Variants in METTL15 observed in about 807,000 individuals in gnomAD.
METTL15 encodes 12S rRNA N(4)-cytidine methyltransferase METTL15.
METTL15 carries 34 observed loss-of-function variants against 38.3 expected under a neutral mutation model. That is an observed-to-expected ratio of 0.89 (90% CI 0.68 to 1.18). The LOEUF (loss-of-function observed/expected upper bound fraction) is 1.18, where lower values mean the gene tolerates loss of function less well. METTL15 is among the 50% of genes most tolerant of loss of function. The pLI is 0.00. For missense variants in METTL15, 438 were observed against 498.4 expected, an observed-to-expected ratio of 0.88 and a Z score of 1.15; for synonymous variants, 162 against 170.9, an observed-to-expected ratio of 0.95 and a Z score of 0.41.
chr11:28,404,118 C>A (rs868242218), intron 5 of METTL15, among the ~76,000 whole-genome samples: 9 of 151,810 alleles, frequency 5.9e-5, no homozygotes, highest in African/African-American at 2.2e-4. Context: ...AACCCATAAG[C>A]AATATTTTTT....
intron 4 of METTL15, among the ~76,000 whole-genome samples, chr11:28,256,983 C>CT (rs1377796779): frequency 6.6e-6 from 1 of 151,994 alleles, no homozygotes; most frequent in Non-Finnish European, 1.5e-5. Flanking sequence ...ATATTTTGTA[C>CT]TTTGCATGTA....
In METTL15 at chr11:28,397,347, C is replaced by T. The variant is rs1042026762; in HGVS notation, c.*359-26952C>T. 2.0e-4 allele frequency among the ~76,000 whole-genome samples: 30 copies of T among 152,176 alleles called. 1 individual carries two copies. The highest frequency in any genetic ancestry group is 7.0e-4 in the African/African-American group (29 of 41,538). The stretch of plus-strand genomic sequence containing the variant: ...AAATTTTTGCAATCTACTCATCTGA[C>T]AAAGGGCTAATATCCAGAATCTACA... On this transcript the variant is annotated intron_variant and NMD_transcript_variant, in intron 5 of 7. Transcript: ENST00000532947.
At chr11:28,232,590 T>C (rs191849258) in intron 4 of METTL15, among the ~76,000 whole-genome samples, 2 of 151,942 alleles carry the variant, frequency 1.3e-5, no homozygotes, top group African/African-American at 4.8e-5. Context: ...TGAACACGTT[T>C]ATTTATTTTG....
chr11:28,226,624 C>T (rs759921542), intron 4 of METTL15, among the ~76,000 whole-genome samples: 14 of 151,914 alleles, frequency 9.2e-5, no homozygotes, highest in Non-Finnish European at 1.6e-4. Flanking sequence ...AAGTCTCGAA[C>T]TCATAGCGTC....
chr11:28,330,775 A>G lies in METTL15; in HGVS notation c.1158A>G (p.Gln386=). The G allele has an allele frequency of 6.4e-7, 1 of 1,551,810 alleles. No individual in the cohort carries two copies. Residue 386 remains glutamine (Q), a synonymous_variant, in exon 7 of 7, where the codon CAA becomes CAG. Coordinates refer to ENST00000407364, the MANE Select transcript of METTL15 (RefSeq NM_001113528.2). The part of the protein sequence containing the change: ...ELIHKKVLSP[Q]DQDVQDNPRG... ...TACACAAGAAGGTACTTAGTCCACA[A>G]GATCAGGATGTACAAGATAACCCCA...
intron 5 of METTL15, among the ~76,000 whole-genome samples, chr11:28,389,623 G>A (rs374442076): frequency 9.2e-5 from 14 of 151,882 alleles, no homozygotes; most frequent in East Asian, 3.9e-4. Context: ...TCTTAATCCA[G>A]TCTATCATTG....
At chr11:28,204,853 A>G (rs1241884056) in intron 3 of METTL15, among the ~76,000 whole-genome samples, 2 of 152,020 alleles carry the variant, frequency 1.3e-5, no homozygotes. Flanking sequence ...CTTTACGATT[A>G]TACAGGTTGT....
chr11:28,452,469 G>T (rs1399429732), intron 6 of METTL15, among the ~76,000 whole-genome samples: 4 of 152,134 alleles, frequency 2.6e-5, no homozygotes, highest in African/African-American at 9.7e-5. Flanking sequence ...TGGTTTACTT[G>T]GTGAGAAACA....
chr11:28,218,873 G>A lies in METTL15; in HGVS notation c.407+7675G>A, dbSNP rs13239262. On this transcript the variant is annotated intron_variant, in intron 4 of 6. Transcript: ENST00000407364. Reference sequence around the variant, plus strand: ...TGCTGGAATACGTTTATTGATTTGCGTATATTGAAGCAGCCTTGCATCCCA... The same window carrying A: ...TGCTGGAATACGTTTATTGATTTGCATATATTGAAGCAGCCTTGCATCCCA... Among the ~76,000 whole-genome samples, 124 of 152,182 alleles carry A rather than the reference G, an allele frequency of 8.1e-4. 1 individual carries two copies. Among genetic ancestry groups the A allele is most frequent in the African/African-American group, 2.5e-3 (103 of 41,538 alleles).
chr11:28,142,128 CAA>C (rs1849719833), intron 3 of METTL15, among the ~76,000 whole-genome samples: 2 of 152,078 alleles, frequency 1.3e-5, no homozygotes, highest in African/African-American at 4.8e-5. Context: ...AAAATGAAAA[CAA>C]ATTTAGTTTA....
intron 3 of METTL15, among the ~76,000 whole-genome samples, chr11:28,119,404 C>G (rs955153474): frequency 1.3e-5 from 2 of 152,096 alleles, no homozygotes; most frequent in South Asian, 2.1e-4. Context: ...AGGAATGTCC[C>G]TTGGGTACTG....
At chr11:28,131,420 C>T (rs1483196646) in intron 3 of METTL15, among the ~76,000 whole-genome samples, 2 of 151,392 alleles carry the variant, frequency 1.3e-5, no homozygotes, top group African/African-American at 2.4e-5. Context: ...GAATTCTTGA[C>T]TGGTTTTGGT....
At chr11:28,353,931 CAA>C (rs374097845) in intron 4 of METTL15, among the ~76,000 whole-genome samples, 3 of 46,346 alleles carry the variant, frequency 6.5e-5, no homozygotes, top group Non-Finnish European at 8.7e-5. Flanking sequence ...GACTCCGTCT[CAA>C]AAAAAAAAAA....
At chr11:28,341,070 A>G (rs930117220) in intron 3 of METTL15, among the ~76,000 whole-genome samples, 4 of 152,204 alleles carry the variant, frequency 2.6e-5, no homozygotes, top group African/African-American at 9.6e-5. Flanking sequence ...TAACACAGGA[A>G]CAGAAAACCA....
chr11:28,216,614 A>C (rs2133851907), intron 4 of METTL15, among the ~76,000 whole-genome samples: 1 of 152,142 alleles, frequency 6.6e-6, no homozygotes, highest in East Asian at 1.9e-4. Context: ...CACAACATGC[A>C]GATTTATTAC....
At chr11:28,122,287 G>T in intron 3 of METTL15, 1 of 709,148 alleles carries the variant, frequency 1.4e-6, no homozygotes, top group South Asian at 2.4e-5. Flanking sequence ...GCAGAAATTA[G>T]TTTTCTTGGT....
At chr11:28,394,458 C>T (rs1473371998) in intron 5 of METTL15, among the ~76,000 whole-genome samples, 1 of 151,964 alleles carries the variant, frequency 6.6e-6, no homozygotes, top group Non-Finnish European at 1.5e-5. Context: ...TTTGTTATTT[C>T]ACTCACACAC....
intron 6 of METTL15, among the ~76,000 whole-genome samples, chr11:28,430,225 TGG>T (rs1409749697): frequency 7.7e-6 from 1 of 129,650 alleles, no homozygotes; most frequent in Admixed American, 7.6e-5. Flanking sequence ...GGGAGGGAGG[TGG>T]GGGGGGTCAG....
chr11:28,266,993 C>A lies in METTL15; in HGVS notation c.408-23213C>A, dbSNP rs12806816. Among the ~76,000 whole-genome samples, 5 of 151,992 alleles carry A rather than the reference C, an allele frequency of 3.3e-5. No homozygotes were observed. In the East Asian group the frequency reaches 9.7e-4, roughly 30 times the overall value. On this transcript the variant is annotated intron_variant, in intron 4 of 6. Transcript: ENST00000407364. Reference sequence around the variant, plus strand: ...TGGCCAACATGGTGAAACCCCATCTCTACTAAAAATACAAAAATTACCTGA... The same window carrying A: ...TGGCCAACATGGTGAAACCCCATCTATACTAAAAATACAAAAATTACCTGA...
Sources: allele counts gnomAD v4.1 joint callset (sites outside exome capture counted in the v4.1 genomes callset), GRCh38; gene constraint gnomAD v4.1.1; transcripts MANE v1.5; gene names NCBI Gene and HGNC (gene_info 2026-07-23, HGNC 2026-07-21).